Variants in GLIS3 observed in about 807,000 individuals in gnomAD.
GLIS3 encodes GLIS family zinc finger 3.
GLIS3 carries 53 observed loss-of-function variants against 78.6 expected under a neutral mutation model. That is an observed-to-expected ratio of 0.67 (90% CI 0.54 to 0.85). The LOEUF is 0.85. Ranked by LOEUF, GLIS3 falls within the 40% of genes least tolerant of loss-of-function variation. The probability of loss-of-function intolerance (pLI) is 0.00; values close to 1 mark genes in which losing one functional copy is unlikely to be tolerated. For missense variants in GLIS3, 1,703 were observed against 1,231.1 expected, an observed-to-expected ratio of 1.38 and a Z score of -5.74; for synonymous variants, 684 against 509.9, an observed-to-expected ratio of 1.34 and a Z score of -4.60.
chr9:4,401,849 G>A, the GLIS3 span, among the ~76,000 whole-genome samples: 1 of 152,076 alleles, frequency 6.6e-6, no homozygotes, highest in Admixed American at 6.5e-5. Context: ...TGGTGGCCTG[G>A]CAGAACCCCT....
chr9:3,874,148 G>C (rs1235214976), intron 8 of GLIS3, among the ~76,000 whole-genome samples: 1 of 152,046 alleles, frequency 6.6e-6, no homozygotes, highest in African/African-American at 2.4e-5. Flanking sequence ...GAGAGACCAA[G>C]GCAGGATTAG....
intron 2 of GLIS3, among the ~76,000 whole-genome samples, chr9:4,174,896 G>C (rs894418498): frequency 1.3e-5 from 2 of 152,204 alleles, no homozygotes; most frequent in African/African-American, 4.8e-5. Context: ...ACGCCTGCAA[G>C]AATCTAGATC....
intron 2 of GLIS3, among the ~76,000 whole-genome samples, chr9:4,166,900 G>C (rs778234661): frequency 6.6e-6 from 1 of 152,146 alleles, no homozygotes; most frequent in African/African-American, 2.4e-5. Flanking sequence ...AGAGATGAGA[G>C]GAAGGAAGGG....
intron 4 of GLIS3, among the ~76,000 whole-genome samples, chr9:4,017,105 A>G (rs535389261): frequency 1.7e-4 from 26 of 152,280 alleles, no homozygotes; most frequent in Non-Finnish European, 3.2e-4. Flanking sequence ...TTCAGAAACC[A>G]CTACATTTTT....
chr9:4,217,692 C>T (rs1587010613), intron 2 of GLIS3, among the ~76,000 whole-genome samples: 1 of 152,240 alleles, frequency 6.6e-6, no homozygotes, highest in South Asian at 2.1e-4. Flanking sequence ...TGTCACAGGC[C>T]CAGGGCAGGA....
chr9:4,252,111 T>C (rs1001667705), intron 2 of GLIS3, among the ~76,000 whole-genome samples: 1 of 152,174 alleles, frequency 6.6e-6, no homozygotes, highest in Non-Finnish European at 1.5e-5. Context: ...AGGAGTATCT[T>C]TGTGGTGTTC....
At chr9:4,439,391 A>C in the GLIS3 span, among the ~76,000 whole-genome samples, 1 of 152,158 alleles carries the variant, frequency 6.6e-6, no homozygotes, top group Admixed American at 6.6e-5. Flanking sequence ...CACAACCATT[A>C]GCAGTAATTT....
chr9:3,943,017 A>G (rs1442780505), intron 4 of GLIS3, among the ~76,000 whole-genome samples: 1 of 152,064 alleles, frequency 6.6e-6, no homozygotes, highest in African/African-American at 2.4e-5. Context: ...AAAAAAAAGT[A>G]GAAGAAAGGT....
the GLIS3 span, among the ~76,000 whole-genome samples, chr9:4,483,427 G>A: frequency 6.6e-6 from 1 of 152,096 alleles, no homozygotes; most frequent in Non-Finnish European, 1.5e-5. Flanking sequence ...CCTTACATAA[G>A]AGGTGTTGGT....
intron 2 of GLIS3, among the ~76,000 whole-genome samples, chr9:4,264,962 C>G (rs536433758): frequency 2.6e-5 from 4 of 151,580 alleles, no homozygotes; most frequent in East Asian, 1.9e-4. Flanking sequence ...GTCAGGAGAT[C>G]GAGACCATCC....
chr9:4,125,867 G>C lies in GLIS3; in HGVS notation c.463C>G (p.Pro155Ala), dbSNP rs767387681. The change falls in exon 3 of 11, where the codon CCC becomes GCC. Residue 155 changes from proline to alanine, a missense_variant. Pro to Ala is a conservative substitution (Grantham distance 27). Transcript: ENST00000381971. ...SCNNLVVTSS[P>A]MMVQRLGLIS... ...AGTCCCAGTCGCTGAACCATCATGG[G>C]ACTGCTGGTGACCACTAGATTGTTG... The C allele has an allele frequency of 2.5e-6, 4 of 1,613,946 alleles. No homozygotes were observed. The highest frequency in any genetic ancestry group is 4.5e-5 in the East Asian group (2 of 44,860).
In GLIS3 at chr9:3,842,456, A is replaced by T. The variant is rs567261111; in HGVS notation, c.2474-12964T>A. Among the ~76,000 whole-genome samples the T allele has an allele frequency of 2.2e-4, 34 of 152,308 alleles. No homozygotes were observed. The South Asian group carries it at 6.6e-3, about 30-fold the overall frequency. On this transcript the variant is annotated intron_variant, in intron 9 of 10. Coordinates refer to ENST00000381971, the MANE Select transcript of GLIS3 (RefSeq NM_001042413.2). ...CACTGCAGTCTAGCCTGGGGGTCAA[A>T]GCAAGACTCTGTCTCAAAAAGACCT...
chr9:4,147,709 C>G (rs925907447), intron 2 of GLIS3: 1 of 151,850 alleles, frequency 6.6e-6, no homozygotes, highest in African/African-American at 2.4e-5. Flanking sequence ...CGCTGGCCAG[C>G]GCGAACAATA....
At chr9:4,226,176 A>G (rs553719566) in intron 2 of GLIS3, among the ~76,000 whole-genome samples, 6 of 152,304 alleles carry the variant, frequency 3.9e-5, no homozygotes, top group African/African-American at 1.4e-4. Context: ...CAGATAACGT[A>G]TTGGATACTC....
At chr9:4,194,702 T>G (rs7023447) in intron 2 of GLIS3, among the ~76,000 whole-genome samples, 75,772 of 152,068 alleles carry the variant, frequency 0.5, 19,143 homozygotes, top group Middle Eastern at 0.57. Flanking sequence ...TAAAAGTGAG[T>G]GAAGCCCCAG....
intron 4 of GLIS3, among the ~76,000 whole-genome samples, chr9:3,981,493 C>T (rs745905226): frequency 6.6e-5 from 10 of 152,112 alleles, no homozygotes; most frequent in Non-Finnish European, 1.0e-4. Flanking sequence ...TTCTGGAAGC[C>T]CTCCCTGACC....
chr9:4,450,861 G>T, the GLIS3 span, among the ~76,000 whole-genome samples: 1 of 152,154 alleles, frequency 6.6e-6, no homozygotes, highest in Non-Finnish European at 1.5e-5. Flanking sequence ...ACTAAACATG[G>T]AAACAAACAA....
intron 2 of GLIS3, among the ~76,000 whole-genome samples, chr9:4,344,977 T>C (rs1398065703): frequency 6.6e-6 from 1 of 152,230 alleles, no homozygotes; most frequent in Non-Finnish European, 1.5e-5. Context: ...ATGTGAATTA[T>C]GGCATTAGTT....
chr9:4,474,927 C>G, the GLIS3 span, among the ~76,000 whole-genome samples: 3 of 149,230 alleles, frequency 2.0e-5, no homozygotes, highest in Non-Finnish European at 4.4e-5. Flanking sequence ...GCAAATATTT[C>G]TTAAACAGAA....
Sources: gnomAD v4.1 joint callset for allele counts (sites outside exome capture counted in the v4.1 genomes callset) on GRCh38, gnomAD v4.1.1 for gene constraint, MANE v1.5 for transcripts, NCBI Gene and HGNC (gene_info 2026-07-23, HGNC 2026-07-21) for gene names.